Variants in SLC8A1 observed in about 807,000 individuals in gnomAD.
SLC8A1 encodes solute carrier family 8 member A1.
SLC8A1 carries 18 observed loss-of-function variants against 68.3 expected under a neutral mutation model. The ratio of observed to expected loss-of-function variants is 0.26; its 90% CI spans 0.18 to 0.39. The LOEUF is 0.39. SLC8A1 is among the 10% of genes least tolerant of loss of function. The pLI is 1.00. For synonymous variants in SLC8A1, 475 were observed against 415.5 expected, an observed-to-expected ratio of 1.14 and a Z score of -1.74; for missense variants, 985 against 1,156.7, an observed-to-expected ratio of 0.85 and a Z score of 2.15.
At chr2:40,286,073 C>T (rs1665417312) in intron 2 of SLC8A1, among the ~76,000 whole-genome samples, 1 of 152,176 alleles carries the variant, frequency 6.6e-6, no homozygotes, top group African/African-American at 2.4e-5. Context: ...AGTTACTGCT[C>T]AGTACCCAGT....
chr2:40,211,236 G>A (rs1194183870), intron 2 of SLC8A1, among the ~76,000 whole-genome samples: 7 of 152,160 alleles, frequency 4.6e-5, no homozygotes, highest in Non-Finnish European at 7.4e-5. Flanking sequence ...ACTCATGTAC[G>A]TTGGCACCTT....
chr2:40,285,231 G>T (rs978440655), intron 2 of SLC8A1, among the ~76,000 whole-genome samples: 1 of 152,072 alleles, frequency 6.6e-6, no homozygotes, highest in Non-Finnish European at 1.5e-5. Context: ...TTAACCTAGG[G>T]CTGATTCCAA....
At position 40,511,808 on chromosome 2, in the gene SLC8A1, G is replaced by C. The variant is rs186050885; in HGVS notation, c.-25+541C>G. On this transcript the variant is annotated intron_variant, in intron 1 of 7. Coordinates refer to the SLC8A1 transcript ENST00000402441. ...TTGTGAAAACAACCCAAGAATCTTTGAACAGGATGTAATCAACCTCCGAAC... is the reference window on the plus strand; with the variant it reads ...TTGTGAAAACAACCCAAGAATCTTTCAACAGGATGTAATCAACCTCCGAAC... Among the ~76,000 whole-genome samples, 346 of 152,198 alleles carry C rather than the reference G, an allele frequency of 2.3e-3. 1 individual carries two copies. The highest frequency in any genetic ancestry group is 0.014 in the Middle Eastern group (4 of 294).
intron 2 of SLC8A1, among the ~76,000 whole-genome samples, chr2:40,428,013 G>C (rs988806339): frequency 2.0e-5 from 3 of 152,114 alleles, no homozygotes; most frequent in African/African-American, 7.2e-5. Context: ...AGCCCTGGTA[G>C]CCAAGAAATT....
intron 2 of SLC8A1, among the ~76,000 whole-genome samples, chr2:40,239,084 AATT>A (rs1304830385): frequency 1.3e-5 from 2 of 152,188 alleles, no homozygotes; most frequent in African/African-American, 4.8e-5. Flanking sequence ...GAGGCTTCTA[AATT>A]ATTTAGTAAA....
At chr2:40,333,158 G>A (rs949748302) in intron 2 of SLC8A1, among the ~76,000 whole-genome samples, 1 of 152,188 alleles carries the variant, frequency 6.6e-6, no homozygotes, top group South Asian at 2.1e-4. Context: ...TGTCTTTTAG[G>A]CCGGGTGCGG....
chr2:40,500,826 G>GTTTTTTTT (rs1706016281), intron 1 of SLC8A1, among the ~76,000 whole-genome samples: 1 of 12,382 alleles, frequency 8.1e-5, no homozygotes, highest in Non-Finnish European at 2.1e-4. Flanking sequence ...TTTTTTTTTG[G>GTTTTTTTT]CTTTTGCCTC....
chr2:40,304,040 T>G (rs931450429), intron 2 of SLC8A1, among the ~76,000 whole-genome samples: 1 of 152,216 alleles, frequency 6.6e-6, no homozygotes, highest in Non-Finnish European at 1.5e-5. Context: ...CATCTCCTTA[T>G]GAAAGGGCTC....
exon 8 of SLC8A1, chr2:40,102,501 C>T (rs2125028799): frequency 1.3e-5 from 2 of 152,118 alleles, no homozygotes; most frequent in South Asian, 2.1e-4. Context: ...GAGCAACTGT[C>T]GGGACATGTA....
At chr2:40,173,640 T>C (rs2047946104) in intron 4 of SLC8A1, among the ~76,000 whole-genome samples, 1 of 152,204 alleles carries the variant, frequency 6.6e-6, no homozygotes, top group Admixed American at 6.5e-5. Context: ...TCATCCCAAT[T>C]CCCAACATAG....
intron 2 of SLC8A1, among the ~76,000 whole-genome samples, chr2:40,401,297 T>C (rs907282239): frequency 2.0e-5 from 3 of 152,206 alleles, no homozygotes; most frequent in African/African-American, 7.2e-5. Context: ...GCTACAAGTT[T>C]TCCTGCCTCT....
intron 2 of SLC8A1, among the ~76,000 whole-genome samples, chr2:40,286,945 TG>T (rs1379858657): frequency 6.6e-6 from 1 of 152,228 alleles, no homozygotes; most frequent in Non-Finnish European, 1.5e-5. Flanking sequence ...ATCAGGCCTT[TG>T]GGCCATCTGA....
At chr2:40,172,397 G>T (rs1260307728) in intron 4 of SLC8A1, among the ~76,000 whole-genome samples, 1 of 152,026 alleles carries the variant, frequency 6.6e-6, no homozygotes, top group African/African-American at 2.4e-5. Context: ...ATAGGAAACT[G>T]CCATTTCAGA....
At chr2:40,162,742 A>T (rs2045902747) in intron 5 of SLC8A1, among the ~76,000 whole-genome samples, 1 of 152,140 alleles carries the variant, frequency 6.6e-6, no homozygotes, top group Non-Finnish European at 1.5e-5. Flanking sequence ...AGGTTCCTAA[A>T]TGCTTGTGAT....
intron 2 of SLC8A1, among the ~76,000 whole-genome samples, chr2:40,415,183 G>A (rs1164556989): frequency 6.6e-6 from 1 of 152,124 alleles, no homozygotes; most frequent in Non-Finnish European, 1.5e-5. Context: ...GTAAGATAAG[G>A]TAAGACAAGG....
At chr2:40,232,710 A>C (rs2059825653) in intron 2 of SLC8A1, among the ~76,000 whole-genome samples, 1 of 116,826 alleles carries the variant, frequency 8.6e-6, no homozygotes, top group Admixed American at 9.3e-5. Context: ...CTAACTCGTC[A>C]TCTAGCATTA....
chr2:40,472,658 A>C (rs760217556), intron 1 of SLC8A1, among the ~76,000 whole-genome samples: 5 of 152,172 alleles, frequency 3.3e-5, no homozygotes, highest in Admixed American at 2.0e-4. Context: ...GGGAACTACC[A>C]TGCCCAGCCC....
At chr2:40,493,661 T>A (rs1467704852) in intron 1 of SLC8A1, among the ~76,000 whole-genome samples, 1 of 150,554 alleles carries the variant, frequency 6.6e-6, no homozygotes, top group Non-Finnish European at 1.5e-5. Flanking sequence ...TTTTTTTTTT[T>A]TTTTTTTTTC....
At chr2:40,404,704 G>C (rs562480375) in intron 2 of SLC8A1, among the ~76,000 whole-genome samples, 1 of 152,112 alleles carries the variant, frequency 6.6e-6, no homozygotes, top group South Asian at 2.1e-4. Flanking sequence ...AGAGCATTTC[G>C]GCAGTTTCAA....
Sources: gnomAD v4.1 joint callset for allele counts (sites outside exome capture counted in the v4.1 genomes callset) on GRCh38, gnomAD v4.1.1 for gene constraint, MANE v1.5 for transcripts, NCBI Gene and HGNC (gene_info 2026-07-23, HGNC 2026-07-21) for gene names.